SLC22A15: variants seen among roughly 807,000 people sequenced by gnomAD.
SLC22A15 encodes solute carrier family 22 member 15.
SLC22A15 carries 45 observed loss-of-function variants against 62.7 expected under a neutral mutation model. The observed-to-expected ratio is 0.72, with a 90% CI of 0.56 to 0.92. SLC22A15 has a LOEUF of 0.92. Ranked by LOEUF, SLC22A15 falls within the 40% of genes least tolerant of loss-of-function variation. The probability of loss-of-function intolerance (pLI) is 0.00; values close to 1 mark genes in which losing one functional copy is unlikely to be tolerated. For missense variants in SLC22A15, 622 were observed against 665.6 expected (o/e 0.93, Z 0.72); for synonymous variants, 264 against 267.0 (o/e 0.99, Z 0.11).
intron 1 of SLC22A15, among the ~76,000 whole-genome samples, chr1:115,978,127 A>G (rs1384880223): frequency 6.6e-6 from 1 of 152,130 alleles, no homozygotes; most frequent in Non-Finnish European, 1.5e-5. Context: ...TTTCTTTGAG[A>G]AAACCCTTTT....
chr1:116,037,346 G>C lies in SLC22A15; in HGVS notation c.1129G>C (p.Gly377Arg). The change falls in exon 8 of 12, where the codon GGA becomes CGA. Residue 377 changes from glycine to arginine, a missense_variant. Coordinates refer to ENST00000369503, the MANE Select transcript of SLC22A15 (RefSeq NM_018420.3). ...ATTATCAGCATTTCTGTGCCTAGGA[G>C]GACTGGCTTGTCTTATTGTAATGTT... Reference protein sequence around the residue: ...RTLSAFLCLGGLACLIVMFLP... With the variant: ...RTLSAFLCLGRLACLIVMFLP... 2.5e-6 allele frequency: 4 copies of C among 1,613,412 alleles called. No individual in the cohort carries two copies. Among genetic ancestry groups the C allele is most frequent in the Non-Finnish European group, 3.4e-6 (4 of 1,179,496 alleles).
At chr1:116,035,143 C>G in intron 6 of SLC22A15, 44 bp from the exon 7 acceptor site, 1 of 1,586,402 alleles carries the variant, frequency 6.3e-7, no homozygotes, top group Non-Finnish European at 8.6e-7. Context: ...TTTCTGTTGT[C>G]CTTCTTGTCT....
chr1:116,058,897 T>C (rs1048774159), intron 8 of SLC22A15, among the ~76,000 whole-genome samples: 1 of 152,154 alleles, frequency 6.6e-6, no homozygotes. Context: ...CTCACTGATA[T>C]GTGGGAGCTA....
intron 8 of SLC22A15, among the ~76,000 whole-genome samples, chr1:116,042,978 A>T (rs1657830793): frequency 6.6e-6 from 1 of 152,364 alleles, no homozygotes; most frequent in South Asian, 2.1e-4. Context: ...AAGTTAGTTG[A>T]CCAGACTAGA....
rs527465093 is a variant in SLC22A15, at chr1:116,003,230, G to A, written c.300+10987G>A. Among the ~76,000 whole-genome samples the A allele has an allele frequency of 4.6e-5, 7 of 152,254 alleles. No individual in the cohort carries two copies. The South Asian group carries it at 8.3e-4, about 18-fold the overall frequency. The stretch of plus-strand genomic sequence containing the variant: ...GGCTGAGCTGGTATGCAAATTGCAA[G>A]ACAAAGCCCTCTTTATTCACTCTTC... On this transcript the variant is annotated intron_variant, in intron 2 of 11. Coordinates refer to ENST00000369503, the MANE Select transcript of SLC22A15 (RefSeq NM_018420.3).
intron 8 of SLC22A15, among the ~76,000 whole-genome samples, chr1:116,052,052 G>A (rs933070713): frequency 3.9e-5 from 6 of 152,206 alleles, no homozygotes; most frequent in South Asian, 2.1e-4. Context: ...GACAGTGGGC[G>A]CAGGACAGTG....
At chr1:116,006,998 C>T (rs1046898890) in intron 2 of SLC22A15, among the ~76,000 whole-genome samples, 2 of 152,108 alleles carry the variant, frequency 1.3e-5, no homozygotes, top group Admixed American at 6.6e-5. Flanking sequence ...GATGCGTAGA[C>T]TGGGATGTAT....
At chr1:116,050,213 A>G (rs1281392521) in intron 8 of SLC22A15, among the ~76,000 whole-genome samples, 1 of 152,230 alleles carries the variant, frequency 6.6e-6, no homozygotes, top group African/African-American at 2.4e-5. Context: ...CATGAGACAG[A>G]GAAAGAAGGA....
At chr1:115,992,862 T>C (rs1655222106) in intron 2 of SLC22A15, among the ~76,000 whole-genome samples, 2 of 152,040 alleles carry the variant, frequency 1.3e-5, no homozygotes, top group Non-Finnish European at 1.5e-5. Context: ...CTGACTCAGG[T>C]GATCCACCCA....
chr1:115,995,204 C>T (rs1031894609), intron 2 of SLC22A15, among the ~76,000 whole-genome samples: 5 of 152,242 alleles, frequency 3.3e-5, no homozygotes, highest in African/African-American at 1.2e-4. Context: ...TTTTGATTAG[C>T]CATTCCAGGT....
At chr1:116,051,969 T>G (rs1658066008) in intron 8 of SLC22A15, among the ~76,000 whole-genome samples, 1 of 152,196 alleles carries the variant, frequency 6.6e-6, no homozygotes, top group South Asian at 2.1e-4. Context: ...GCTCCCAGCG[T>G]GAGCGACGCA....
chr1:116,016,316 T>C (rs1040577410), intron 2 of SLC22A15, among the ~76,000 whole-genome samples: 8 of 151,780 alleles, frequency 5.3e-5, no homozygotes, highest in Non-Finnish European at 8.8e-5. Context: ...AGCCCCAACC[T>C]CCCAGGCTCA....
chr1:116,031,652 C>T (rs1557897708), intron 6 of SLC22A15, 71 bp downstream of exon 6: 9 of 1,591,634 alleles, frequency 5.7e-6, no homozygotes, highest in Admixed American at 1.7e-5. Context: ...TATCCTGCTC[C>T]TTCTTCAGGG....
At chr1:116,024,180 C>T (rs1368428449) in intron 4 of SLC22A15, among the ~76,000 whole-genome samples, 2 of 152,090 alleles carry the variant, frequency 1.3e-5, no homozygotes, top group African/African-American at 4.8e-5. Flanking sequence ...GTGGGTTAGA[C>T]AGGATGGAAG....
Position 115,976,616 on chromosome 1 carries a change from G to C in SLC22A15, c.-12G>C. 1 of 1,565,384 alleles carries C rather than the reference G, an allele frequency of 6.4e-7. No homozygotes were observed. ...GGCGGTGGGGTGGCGGGGTTCCTGC[G>C]CGCGGCCCGCCATGGAGGTGGAGGA... On this transcript the variant is annotated 5_prime_UTR_variant, in exon 1 of 12. Coordinates refer to ENST00000369503, the MANE Select transcript of SLC22A15 (RefSeq NM_018420.3).
chr1:116,025,972 T>C (rs189238616), intron 4 of SLC22A15, among the ~76,000 whole-genome samples: 1 of 152,216 alleles, frequency 6.6e-6, no homozygotes, highest in Non-Finnish European at 1.5e-5. Flanking sequence ...TATTTTTCCA[T>C]CATTGTGCTG....
At chr1:116,015,999 T>A (rs1656500324) in intron 2 of SLC22A15, among the ~76,000 whole-genome samples, 3 of 152,190 alleles carry the variant, frequency 2.0e-5, no homozygotes. Flanking sequence ...AATAAATTAA[T>A]TTTTTACAAA....
At chr1:116,002,918 C>T (rs1655808448) in intron 2 of SLC22A15, among the ~76,000 whole-genome samples, 1 of 152,028 alleles carries the variant, frequency 6.6e-6, no homozygotes, top group South Asian at 2.1e-4. Context: ...AGGAGTCTCT[C>T]CCCATGGCAA....
intron 8 of SLC22A15, among the ~76,000 whole-genome samples, chr1:116,053,753 C>A (rs1219060926): frequency 6.6e-6 from 1 of 152,126 alleles, no homozygotes; most frequent in Non-Finnish European, 1.5e-5. Flanking sequence ...GAATATTCAA[C>A]ATTCTTAAAG....
Sources: allele counts gnomAD v4.1 joint callset (sites outside exome capture counted in the v4.1 genomes callset), GRCh38; gene constraint gnomAD v4.1.1; transcripts MANE v1.5; gene names NCBI Gene and HGNC (gene_info 2026-07-23, HGNC 2026-07-21).